The following TGS1 variants were observed in gnomAD, a reference collection of about 807,000 sequenced individuals.
The protein encoded by TGS1 is trimethylguanosine synthase.
Under a neutral mutation model 92.2 loss-of-function variants are expected in TGS1, and 69 were observed. The ratio of observed to expected loss-of-function variants is 0.75; its 90% confidence interval spans 0.62 to 0.91. The LOEUF (loss-of-function observed/expected upper bound fraction) is 0.91, where lower values mean the gene tolerates loss of function less well. Ranked by LOEUF, TGS1 falls within the 40% of genes least tolerant of loss-of-function variation. The pLI, the probability that TGS1 is intolerant of heterozygous loss-of-function variation, is 0.00. For synonymous variants in TGS1, 345 were observed against 338.1 expected (o/e 1.02, Z -0.22); for missense variants, 1,062 against 1,001.2 (o/e 1.06, Z -0.82).
At chr8:55,798,818 C>T in intron 7 of TGS1, 96 bp from the exon 8 acceptor site, 15 of 1,002,176 alleles carry the variant, frequency 1.5e-5, no homozygotes, top group Non-Finnish European at 2.2e-5. Context: ...ATAATTTTGA[C>T]ACAGCTTTTC....
At chr8:55,776,005 TTGAC>T (rs1723332596) in intron 1 of TGS1, among the ~76,000 whole-genome samples, 1 of 152,062 alleles carries the variant, frequency 6.6e-6, no homozygotes, top group Non-Finnish European at 1.5e-5. Context: ...CTTGGATCGA[TTGAC>T]TGTAGCAGGA....
intron 1 of TGS1, among the ~76,000 whole-genome samples, chr8:55,778,868 G>A (rs995407201): frequency 7.2e-5 from 11 of 152,160 alleles, no homozygotes; most frequent in Non-Finnish European, 1.5e-4. Flanking sequence ...TCAGCCGCCC[G>A]AGTGTCAGGT....
At chr8:55,813,157 T>C in intron 12 of TGS1, 39 bp downstream of exon 12, 1 of 1,399,812 alleles carries the variant, frequency 7.1e-7, no homozygotes. Context: ...GTGTCTGTCT[T>C]AACTGTTACA....
At chr8:55,780,031 A>G (rs2130106334) in intron 1 of TGS1, among the ~76,000 whole-genome samples, 1 of 151,476 alleles carries the variant, frequency 6.6e-6, no homozygotes, top group South Asian at 2.1e-4. Flanking sequence ...TAATTTTTGT[A>G]TTTTTAGTAG....
Position 55,792,513 on chromosome 8 carries a change from A to G in TGS1, c.1281-185A>G, listed in dbSNP as rs572962495. Among the ~76,000 whole-genome samples, 8 of 152,362 alleles carry G rather than the reference A, an allele frequency of 5.3e-5. No individual in the cohort carries two copies. The East Asian group carries it at 1.3e-3, about 26-fold the overall frequency. ...TGCTGTGTTCCAAATGCTCCTGGGT[A>G]CTTACCTTATTTGGAAAATTCTAAT... On this transcript the variant is annotated intron_variant, in intron 5 of 12. Coordinates refer to ENST00000260129, the MANE Select transcript of TGS1 (RefSeq NM_024831.8).
rs139281321 is a variant in TGS1 at position 55,787,014 on chromosome 8, G to A, written c.1116G>A (p.Glu372=). 241 of 1,613,882 alleles carry A rather than the reference G, an allele frequency of 1.5e-4. 5 individuals carry two copies. In the East Asian group the frequency reaches 4.9e-3, roughly 33 times the overall value. The change falls in exon 4 of 13, where the codon GAG becomes GAA. Residue 372 remains glutamate, a synonymous_variant. Coordinates refer to ENST00000260129, the MANE Select transcript of TGS1 (RefSeq NM_024831.8). The stretch of plus-strand genomic sequence containing the variant: ...AACCACGTAATGGAGGAACCAATGA[G>A]GAAAGCAACTCATCGGGGAATACAA... ...QSEPRNGGTN[E]ESNSSGNTNT...
At position 55,773,535 on chromosome 8, in the gene TGS1, T is replaced by G; in HGVS notation, c.-84T>G. The G allele has an allele frequency of 9.7e-7, 1 of 1,033,036 alleles. No individual in the cohort carries two copies. The highest frequency in any genetic ancestry group is 1.4e-6 in the Non-Finnish European group (1 of 698,120). The allele number at this position is 1,033,036 out of a possible 1,614,324, so 64.0% of individuals were successfully genotyped here. A position where few individuals can be genotyped will look rare whatever the true frequency, so the allele number is the denominator to read the frequency against. On this transcript the variant is annotated 5_prime_UTR_variant, in exon 1 of 13. Transcript: ENST00000260129. ...TCATCCAGGGCTTGCGGGCGAGGCC[T>G]GTTTTAAGTCTCCAGTAACCGAGCG...
At chr8:55,789,551 T>A (rs2130142280) in intron 4 of TGS1, among the ~76,000 whole-genome samples, 1 of 152,300 alleles carries the variant, frequency 6.6e-6, no homozygotes, top group South Asian at 2.1e-4. Flanking sequence ...TGTTTTTTTT[T>A]AAGTAGTTAG....
intron 12 of TGS1, among the ~76,000 whole-genome samples, chr8:55,819,547 C>T (rs954316340): frequency 1.3e-5 from 2 of 150,010 alleles, no homozygotes; most frequent in African/African-American, 2.5e-5. Context: ...ATCTGCCTGC[C>T]TCAGCCTCCC....
At position 55,789,982 on chromosome 8, in the gene TGS1, TAACA is replaced by T. The variant is rs367817906; in HGVS notation, c.1163-196_1163-193del. On this transcript the variant is annotated intron_variant, in intron 4 of 12. Transcript: ENST00000260129. ...GGACAGTTTTAGGCTAAATTTAATT[TAACA>T]AACCTTATAGTTAAGATTTTTAAAA... 9.1e-4 allele frequency: 437 copies of T among 480,696 alleles called. 5 individuals are homozygous for T. The highest frequency in any genetic ancestry group is 8.1e-3 in the African/African-American group (413 of 51,076). 29.8% of individuals were successfully genotyped at this position (480,696 alleles called of 1,614,324 possible). A position where few individuals can be genotyped will look rare whatever the true frequency, so the allele number is the denominator to read the frequency against.
chr8:55,822,321 C>T (rs891917731), intron 12 of TGS1, among the ~76,000 whole-genome samples: 20 of 152,202 alleles, frequency 1.3e-4, no homozygotes, highest in Middle Eastern at 3.4e-3. Flanking sequence ...CCACCCTCCT[C>T]GACCTCCCAA....
chr8:55,788,981 C>A (rs745353302), intron 4 of TGS1, among the ~76,000 whole-genome samples: 5 of 152,126 alleles, frequency 3.3e-5, no homozygotes, highest in Non-Finnish European at 5.9e-5. Flanking sequence ...CCTTCTGTTG[C>A]TTGTTCCCTT....
chr8:55,816,576 T>C (rs1161323355), intron 12 of TGS1, among the ~76,000 whole-genome samples: 2 of 152,212 alleles, frequency 1.3e-5, no homozygotes, highest in East Asian at 1.9e-4. Context: ...TTTGTCATGG[T>C]ATGTATCTTA....
At chr8:55,800,079 A>C (rs935780276) in intron 8 of TGS1, among the ~76,000 whole-genome samples, 6 of 152,220 alleles carry the variant, frequency 3.9e-5, no homozygotes, top group Non-Finnish European at 8.8e-5. Flanking sequence ...TTATGAAACC[A>C]TTATATTTAT....
chr8:55,800,518 G>T (rs1359630743), intron 8 of TGS1, among the ~76,000 whole-genome samples: 2 of 152,166 alleles, frequency 1.3e-5, no homozygotes, highest in African/African-American at 4.8e-5. Context: ...CAATTCTCAT[G>T]ATGCTGGTTA....
At chr8:55,775,254 AAAG>A in intron 1 of TGS1, among the ~76,000 whole-genome samples, 1 of 151,042 alleles carries the variant, frequency 6.6e-6, no homozygotes, top group South Asian at 2.1e-4. Context: ...AAAAAAAAGA[AAAG>A]AAAAGAAAGA....
At chr8:55,817,543 A>G (rs1440545709) in intron 12 of TGS1, among the ~76,000 whole-genome samples, 2 of 152,232 alleles carry the variant, frequency 1.3e-5, no homozygotes, top group African/African-American at 2.4e-5. Context: ...CTTTGCAAAT[A>G]TTCTAAGTAG....
intron 12 of TGS1, among the ~76,000 whole-genome samples, chr8:55,819,475 T>C (rs1803576493): frequency 6.6e-6 from 1 of 151,556 alleles, no homozygotes. Flanking sequence ...TTTTTTTTTT[T>C]TTAGTAGAGA....
chr8:55,790,965 C>T (rs1009024365), intron 5 of TGS1, among the ~76,000 whole-genome samples: 3 of 69,464 alleles, frequency 4.3e-5, no homozygotes, highest in Non-Finnish European at 8.4e-5. Context: ...AAATTCATAT[C>T]TTCTCTCTCT....
Sources: gnomAD v4.1 joint callset for allele counts (sites outside exome capture counted in the v4.1 genomes callset) on GRCh38, gnomAD v4.1.1 for gene constraint, MANE v1.5 for transcripts, NCBI Gene and HGNC (gene_info 2026-07-23, HGNC 2026-07-21) for gene names.